FRY: variants seen among roughly 807,000 people sequenced by gnomAD.
The protein encoded by FRY is protein furry homolog.
Under a neutral mutation model 348.4 loss-of-function variants are expected in FRY, and 128 were observed. That is an observed-to-expected ratio of 0.37 (90% confidence interval 0.32 to 0.43). FRY has a LOEUF of 0.43. Among genes scored for constraint, FRY ranks in the 20% least tolerant of loss-of-function variants. The pLI is 1.00. For missense variants in FRY, 2,736 were observed against 3,695.2 expected (o/e 0.74, Z 6.73); for synonymous variants, 1,370 against 1,374.7 (o/e 1.00, Z 0.08).
intron 2 of FRY, among the ~76,000 whole-genome samples, chr13:32,090,265 G>A (rs956941487): frequency 3.4e-5 from 5 of 149,216 alleles, no homozygotes; most frequent in Admixed American, 6.8e-5. Context: ...GGAGAATGGC[G>A]TGAACCCGGA....
chr13:32,054,313 A>G (rs1368986990), intron 1 of FRY, among the ~76,000 whole-genome samples: 2 of 151,622 alleles, frequency 1.3e-5, no homozygotes, highest in African/African-American at 4.9e-5. Context: ...CTTTGTTGTT[A>G]TTAATTGTAT....
chr13:32,204,093 G>A (rs1015918686), intron 31 of FRY, among the ~76,000 whole-genome samples: 1 of 152,152 alleles, frequency 6.6e-6, no homozygotes, highest in African/African-American at 2.4e-5. Flanking sequence ...ATAAACCCTG[G>A]TATAGTACAG....
At chr13:32,094,499 TC>T (rs1489050836) in intron 2 of FRY, among the ~76,000 whole-genome samples, 2 of 151,482 alleles carry the variant, frequency 1.3e-5, no homozygotes, top group African/African-American at 4.8e-5. Flanking sequence ...TATCCCCACC[TC>T]CCCACTAACC....
intron 1 of FRY, among the ~76,000 whole-genome samples, chr13:32,037,618 C>T (rs1041354171): frequency 2.6e-5 from 4 of 152,122 alleles, no homozygotes; most frequent in Admixed American, 2.6e-4. Context: ...CAGCAGTAGG[C>T]AAGAAGAGAT....
intron 3 of FRY, among the ~76,000 whole-genome samples, chr13:32,105,069 T>TG (rs924596899): frequency 6.6e-6 from 1 of 152,130 alleles, no homozygotes; most frequent in African/African-American, 2.4e-5. Flanking sequence ...GTAGATTCAG[T>TG]GGGGAAAAAG....
At chr13:32,032,114 C>T (rs1185932686) in intron 1 of FRY, among the ~76,000 whole-genome samples, 1 of 151,696 alleles carries the variant, frequency 6.6e-6, no homozygotes, top group Non-Finnish European at 1.5e-5. Flanking sequence ...AGTGCAAAGG[C>T]TGCAATGGAA....
intron 1 of FRY, among the ~76,000 whole-genome samples, chr13:32,075,791 T>C (rs956305334): frequency 6.6e-6 from 1 of 152,232 alleles, no homozygotes; most frequent in African/African-American, 2.4e-5. Context: ...CTAGTTCAAG[T>C]ACACTTACCC....
intron 31 of FRY, among the ~76,000 whole-genome samples, chr13:32,204,020 G>T (rs1884204880): frequency 6.6e-6 from 1 of 152,192 alleles, no homozygotes; most frequent in South Asian, 2.1e-4. Flanking sequence ...TTAGTGAGTG[G>T]ATAGTAGGTA....
intron 3 of FRY, among the ~76,000 whole-genome samples, chr13:32,115,078 G>T (rs893805372): frequency 3.9e-5 from 6 of 152,140 alleles, no homozygotes; most frequent in Admixed American, 3.3e-4. Flanking sequence ...GTACAATTTT[G>T]TATGTGTACA....
At chr13:32,224,477 A>T (rs1186889576) in intron 37 of FRY, 92 bp downstream of exon 37, 1 of 1,153,098 alleles carries the variant, frequency 8.7e-7, no homozygotes, top group Non-Finnish European at 1.2e-6. Context: ...GTCCCACCAC[A>T]TTAAATTATC....
Position 32,239,202 on chromosome 13 carries a change from G to A in FRY, c.6419-50G>A, listed in dbSNP as rs1886377507. 1 of 1,170,100 alleles carries A rather than the reference G, an allele frequency of 8.5e-7. No homozygotes were observed. The highest frequency in any genetic ancestry group is 1.7e-5 in the Admixed American group (1 of 59,464). 72.5% of individuals were successfully genotyped at this position (1,170,100 alleles called of 1,614,324 possible). Reference sequence around the variant, plus strand: ...GTAACATGCCTTCCCACTGTTAACAGCTAAAATATACCATATTCAGCTATC... The same window carrying A: ...GTAACATGCCTTCCCACTGTTAACAACTAAAATATACCATATTCAGCTATC... On this transcript the variant is annotated intron_variant, in intron 44 of 60. Coordinates refer to ENST00000542859, the MANE Select transcript of FRY (RefSeq NM_023037.3). The surrounding 1 kb of genome is among the most constrained non-coding windows in gnomAD (Gnocchi z 4.3).
At position 32,272,891 on chromosome 13, in the gene FRY, G is replaced by A. The variant is rs561179232; in HGVS notation, c.8137-1951G>A. 2.8e-3 allele frequency among the ~76,000 whole-genome samples: 415 copies of A among 149,178 alleles called. 2 individuals are homozygous for A. Among genetic ancestry groups the A allele is most frequent in the African/African-American group, 9.6e-3 (389 of 40,660 alleles). On this transcript the variant is annotated intron_variant, in intron 55 of 60. Transcript: ENST00000542859. ...GCTGGGATTACAGGTACACACCACC[G>A]TGCCCAGCTAATTTTTTGGTATTTT...
At chr13:32,215,609 T>C (rs1884945761) in intron 35 of FRY, among the ~76,000 whole-genome samples, 1 of 152,256 alleles carries the variant, frequency 6.6e-6, no homozygotes, top group Non-Finnish European at 1.5e-5. Flanking sequence ...GGTCTCATTC[T>C]GTCACCTAGG....
chr13:32,192,436 C>T (rs1883398583), intron 28 of FRY, among the ~76,000 whole-genome samples: 1 of 152,156 alleles, frequency 6.6e-6, no homozygotes, highest in Non-Finnish European at 1.5e-5. Flanking sequence ...CCTCAGCCTC[C>T]TGAGTAGCTG....
intron 40 of FRY, among the ~76,000 whole-genome samples, chr13:32,230,938 T>G (rs554873561): frequency 1.2e-3 from 179 of 152,368 alleles, no homozygotes; most frequent in Admixed American, 4.8e-3. Flanking sequence ...ATATAATTGT[T>G]GGCTGCATGT....
intron 34 of FRY, 40 bp downstream of exon 34, chr13:32,211,074 C>T (rs1354343976): frequency 6.3e-7 from 1 of 1,579,672 alleles, no homozygotes. Flanking sequence ...TCACAGATCC[C>T]TGGGGTTTCC....
intron 11 of FRY, among the ~76,000 whole-genome samples, chr13:32,146,455 C>G (rs1286680574): frequency 6.6e-6 from 1 of 152,142 alleles, no homozygotes; most frequent in East Asian, 1.9e-4. Flanking sequence ...TCTGCCTCAG[C>G]CTCCCAAGTA....
chr13:32,072,844 C>A (rs866179841), intron 1 of FRY, among the ~76,000 whole-genome samples: 2 of 152,288 alleles, frequency 1.3e-5, no homozygotes, highest in African/African-American at 4.8e-5. Context: ...GTATTGAGAA[C>A]TGGCAGAAAG....
chr13:32,165,932 G>T (rs779120357), intron 17 of FRY, among the ~76,000 whole-genome samples: 1 of 152,190 alleles, frequency 6.6e-6, no homozygotes, highest in African/African-American at 2.4e-5. Context: ...TGAGCAGCAC[G>T]TGCCCTTGTG....
Sources: allele counts gnomAD v4.1 joint callset (sites outside exome capture counted in the v4.1 genomes callset), GRCh38; gene constraint gnomAD v4.1.1; non-coding constraint Gnocchi (gnomAD v3.1); transcripts MANE v1.5; gene names NCBI Gene and HGNC (gene_info 2026-07-23, HGNC 2026-07-21).